Variants in OSBPL3 observed in about 807,000 individuals in gnomAD.
OSBPL3 encodes oxysterol binding protein like 3.
A neutral mutation model predicts 120.1 loss-of-function variants in OSBPL3; 65 were observed. That is an observed-to-expected ratio of 0.54 (90% CI 0.44 to 0.67). The LOEUF (loss-of-function observed/expected upper bound fraction) is 0.67, where lower values mean the gene tolerates loss of function less well. Ranked by LOEUF, OSBPL3 falls within the 30% of genes least tolerant of loss-of-function variation. The pLI is 0.00. For missense variants in OSBPL3, 1,004 were observed against 1,082.1 expected, an observed-to-expected ratio of 0.93 and a Z score of 1.01; for synonymous variants, 416 against 402.6, an observed-to-expected ratio of 1.03 and a Z score of -0.40.
rs1250932503 is a variant in OSBPL3, at chr7:24,821,994, C to T, written c.1885-1756G>A. On this transcript the variant is annotated intron_variant, in intron 16 of 22. Transcript: ENST00000313367. The surrounding 1 kb of genome is among the most constrained non-coding windows in gnomAD (Gnocchi z 5.5). ...GCTCAAGTGATCCTCCTGTCTCAGC[C>T]TCTCAAGTTGCTGGGACTAAAGGTG... is the stretch of plus-strand genomic sequence containing the variant. Among the ~76,000 whole-genome samples the T allele has an allele frequency of 6.6e-6, 1 of 152,172 alleles. No homozygotes were observed. Among genetic ancestry groups the T allele is most frequent in the Non-Finnish European group, 1.5e-5 (1 of 68,036 alleles).
At chr7:24,889,186 T>A (rs1316065104) in intron 2 of OSBPL3, among the ~76,000 whole-genome samples, 2 of 152,168 alleles carry the variant, frequency 1.3e-5, no homozygotes, top group African/African-American at 4.8e-5. Context: ...AAGAAAGACA[T>A]CTTGTCATTT....
chr7:24,954,319 A>C (rs1584724334), intron 1 of OSBPL3, among the ~76,000 whole-genome samples: 1 of 152,166 alleles, frequency 6.6e-6, no homozygotes, highest in East Asian at 1.9e-4. Flanking sequence ...CTTTCTCCAT[A>C]AGGATGTCAA....
chr7:24,803,183 A>G lies in OSBPL3; in HGVS notation c.2567+1132T>C, dbSNP rs1410691489. ...TCCACTAAAAACAAACAAAAACACA[A>G]ACAAAAAACATCCCAAAACAATGAA... On this transcript the variant is annotated intron_variant, in intron 22 of 22. Transcript: ENST00000313367. This position sits in a 1 kb window ranked among gnomAD's most constrained non-coding sequence, Gnocchi z 4.2. 1.3e-5 allele frequency among the ~76,000 whole-genome samples: 2 copies of G among 152,202 alleles called. No homozygotes were observed. Among genetic ancestry groups the G allele is most frequent in the African/African-American group, 4.8e-5 (2 of 41,450 alleles).
chr7:24,914,326 T>C (rs1384069191), intron 1 of OSBPL3, among the ~76,000 whole-genome samples: 1 of 151,892 alleles, frequency 6.6e-6, no homozygotes, highest in Non-Finnish European at 1.5e-5. Context: ...TACTAGCCAG[T>C]AGAACTTGAT....
At chr7:24,924,258 A>AAT (rs1810758780) in intron 1 of OSBPL3, among the ~76,000 whole-genome samples, 1 of 152,220 alleles carries the variant, frequency 6.6e-6, no homozygotes, top group Non-Finnish European at 1.5e-5. Flanking sequence ...CTGAAAATAA[A>AAT]GACCACAAGA....
chr7:24,930,792 T>C lies in OSBPL3; in HGVS notation c.-149-38171A>G, dbSNP rs1406667067. Among the ~76,000 whole-genome samples, 1 of 152,176 alleles carries C rather than the reference T, an allele frequency of 6.6e-6. No individual in the cohort carries two copies. The highest frequency in any genetic ancestry group is 1.9e-4 in the East Asian group (1 of 5,204). ...TCTTTAAGGGTTTAAGAACCTAGGTTGAGGTGAAGGATTTCTGATTAAATG... is the reference window on the plus strand; with the variant it reads ...TCTTTAAGGGTTTAAGAACCTAGGTCGAGGTGAAGGATTTCTGATTAAATG... On this transcript the variant is annotated intron_variant, in intron 1 of 22. Coordinates refer to ENST00000313367, the MANE Select transcript of OSBPL3 (RefSeq NM_015550.4). This position sits in a 1 kb window ranked among gnomAD's most constrained non-coding sequence, Gnocchi z 4.4.
At chr7:24,840,645 T>A in intron 14 of OSBPL3, 45 bp downstream of exon 14, 1 of 808,988 alleles carries the variant, frequency 1.2e-6, no homozygotes, top group Non-Finnish European at 2.0e-6. Flanking sequence ...ATTAGTATTG[T>A]ATGAAAATCC....
chr7:24,861,762 T>C lies in OSBPL3; in HGVS notation c.878A>G (p.Lys293Arg). The C allele has an allele frequency of 1.3e-6, 2 of 1,589,054 alleles. No individual in the cohort carries two copies. The highest frequency in any genetic ancestry group is 1.4e-5 in the African/African-American group (1 of 73,536). ...KDAKGTLQVP[K>R]PFSGPVRLHS... is the part of the protein sequence containing the mutation. ...TAGTCTTACTGGGCCAGAAAAAGGT[T>C]TCGGGACCTGAAGTAACACCAAAGG... Residue 293 changes from lysine (K) to arginine (R), a missense_variant, in exon 10 of 23, where the codon AAA becomes AGA. By Grantham distance (26) the Lys-to-Arg change is conservative. Around this residue, in one of 4 missense-constraint regions of OSBPL3, gnomAD observed 272 missense variants for 248.8 expected, o/e 1.09. Transcript: ENST00000313367.
At chr7:24,943,794 G>T (rs183457486) in intron 1 of OSBPL3, among the ~76,000 whole-genome samples, 3 of 152,312 alleles carry the variant, frequency 2.0e-5, no homozygotes, top group Non-Finnish European at 4.4e-5. Context: ...ATGGACTGCT[G>T]AAGATGTCAT....
rs1440135028 is a variant in OSBPL3, at chr7:24,955,902, CACTG to C, written c.-150+23980_-150+23983del. On this transcript the variant is annotated intron_variant, in intron 1 of 22. Coordinates refer to ENST00000313367, the MANE Select transcript of OSBPL3 (RefSeq NM_015550.4). The surrounding 1 kb of genome is among the most constrained non-coding windows in gnomAD (Gnocchi z 4.3). ...CACAGCCACTGCTGTGCAGTTTAGTCACTGATCTTTCAGATCTTTTTCACTCAAA... is the reference window on the plus strand; with the variant it reads ...CACAGCCACTGCTGTGCAGTTTAGTCATCTTTCAGATCTTTTTCACTCAAA... 6.6e-6 allele frequency among the ~76,000 whole-genome samples: 1 copy of C among 152,224 alleles called. No individual in the cohort carries two copies. The highest frequency in any genetic ancestry group is 6.5e-5 in the Admixed American group (1 of 15,284).
At chr7:24,915,577 A>AATT (rs1383572041) in intron 1 of OSBPL3, among the ~76,000 whole-genome samples, 2 of 151,254 alleles carry the variant, frequency 1.3e-5, no homozygotes, top group African/African-American at 2.4e-5. Flanking sequence ...ACCAAACATT[A>AATT]ATTTTTTTTT....
intron 1 of OSBPL3, among the ~76,000 whole-genome samples, chr7:24,910,451 A>T (rs187588004): frequency 4.1e-4 from 63 of 152,328 alleles, no homozygotes; most frequent in African/African-American, 1.5e-3. Flanking sequence ...ATACTTATGA[A>T]TAAATGTGGG....
In OSBPL3 at chr7:24,815,391, G is replaced by A. The variant is rs1350463528; in HGVS notation, c.2028-188C>T. On this transcript the variant is annotated intron_variant, in intron 18 of 22. Transcript: ENST00000313367. The surrounding 1 kb of genome is among the most constrained non-coding windows in gnomAD (Gnocchi z 5.1). The stretch of plus-strand genomic sequence containing the variant: ...GAGCTTCCACTCTCCAAGGAGGCAT[G>A]CATGCCACAGAGAATGACAGCATTC... Among the ~76,000 whole-genome samples the A allele has an allele frequency of 1.3e-5, 2 of 152,196 alleles. No individual in the cohort carries two copies. The highest frequency in any genetic ancestry group is 2.9e-5 in the Non-Finnish European group (2 of 68,028).
chr7:24,828,775 T>TA (rs1796032642), intron 16 of OSBPL3, among the ~76,000 whole-genome samples: 3 of 148,860 alleles, frequency 2.0e-5, no homozygotes, highest in Admixed American at 7.1e-5. Context: ...TTTTTTTTTT[T>TA]TAAAAAGGAA....
rs745834823 is a variant in OSBPL3 at position 24,834,691 on chromosome 7, G to A, written c.1541C>T (p.Thr514Met). Residue 514 changes from threonine (T) to methionine (M), a missense_variant, in exon 15 of 23, where the codon ACG (threonine) becomes ATG (methionine). Coordinates refer to ENST00000313367, the MANE Select transcript of OSBPL3 (RefSeq NM_015550.4). This position sits in a 1 kb window ranked among gnomAD's most constrained non-coding sequence, Gnocchi z 5.2. ...GCTCGGGCAGGGCGCCGGCAGGCAC[G>A]TTCTTCTCCGGGACTTCGCTTCCCG... ...SGREAKSRRRTCLPAPCPSSS... is the reference protein window; with the variant it reads ...SGREAKSRRRMCLPAPCPSSS... 2.0e-5 allele frequency: 33 copies of A among 1,613,712 alleles called. No homozygotes were observed. Among genetic ancestry groups the A allele is most frequent in the Non-Finnish European group, 2.7e-5 (32 of 1,179,860 alleles).
chr7:24,895,065 T>C (rs548463486), intron 1 of OSBPL3, among the ~76,000 whole-genome samples: 11 of 152,176 alleles, frequency 7.2e-5, no homozygotes, highest in Non-Finnish European at 1.3e-4. Context: ...TTTGGGATTG[T>C]TGCCCGGGGA....
chr7:24,867,319 T>C lies in OSBPL3; in HGVS notation c.382-1082A>G, dbSNP rs1801467922. Among the ~76,000 whole-genome samples, 1 of 152,256 alleles carries C rather than the reference T, an allele frequency of 6.6e-6. No homozygotes were observed. The highest frequency in any genetic ancestry group is 6.5e-5 in the Admixed American group (1 of 15,290). The stretch of plus-strand genomic sequence containing the variant: ...TGAACTGGAATGAATTAGTAAATTC[T>C]TCCTAAAATATTTAAACTTGTTCAT... On this transcript the variant is annotated intron_variant, in intron 5 of 22. Coordinates refer to ENST00000313367, the MANE Select transcript of OSBPL3 (RefSeq NM_015550.4). The surrounding 1 kb of genome is among the most constrained non-coding windows in gnomAD (Gnocchi z 4.5).
intron 14 of OSBPL3, among the ~76,000 whole-genome samples, chr7:24,838,828 T>A (rs1797334773): frequency 2.0e-5 from 3 of 152,228 alleles, no homozygotes; most frequent in Admixed American, 1.3e-4. Flanking sequence ...TGCCTCCTTG[T>A]TTTTCTAGAA....
rs948873615 is a variant in OSBPL3, at chr7:24,900,635, T to C, written c.-149-8014A>G. ...TCTCCACTCCCAAGCTTTGTCATCA[T>C]GGCAAAATTCCTCAATCAGCTCTCC... On this transcript the variant is annotated intron_variant, in intron 1 of 22. Transcript: ENST00000313367. The surrounding 1 kb of genome is among the most constrained non-coding windows in gnomAD (Gnocchi z 4.5). Among the ~76,000 whole-genome samples the C allele has an allele frequency of 2.6e-5, 4 of 152,134 alleles. No homozygotes were observed. The highest frequency in any genetic ancestry group is 2.6e-4 in the Admixed American group (4 of 15,274).
Sources: gnomAD v4.1 joint callset for allele counts (sites outside exome capture counted in the v4.1 genomes callset) on GRCh38, gnomAD v4.1.1 for gene constraint, gnomAD v4.1.1 regional missense constraint, Gnocchi (gnomAD v3.1) non-coding constraint, MANE v1.5 for transcripts, NCBI Gene and HGNC (gene_info 2026-07-23, HGNC 2026-07-21) for gene names.